NPSR1: variants seen among roughly 807,000 people sequenced by gnomAD.
NPSR1 encodes the protein neuropeptide S receptor 1.
A neutral mutation model predicts 46.9 loss-of-function variants in NPSR1; 48 were observed. That is an observed-to-expected ratio of 1.02 (90% CI 0.81 to 1.30). The LOEUF (loss-of-function observed/expected upper bound fraction) is 1.30. Among genes scored for constraint, NPSR1 ranks in the 50% most tolerant of loss-of-function variants. NPSR1 has a pLI of 0.00. For synonymous variants in NPSR1, 176 were observed against 168.1 expected (o/e 1.05, Z -0.36); for missense variants, 450 against 449.5 (o/e 1.00, Z -0.01).
At chr7:34,869,664 T>A (rs1198174562) in intron 8 of NPSR1, among the ~76,000 whole-genome samples, 77 of 151,792 alleles carry the variant, frequency 5.1e-4, no homozygotes, top group Non-Finnish European at 4.4e-5. Context: ...TTCATTCATT[T>A]AACAAATATT....
At chr7:34,818,613 C>T (rs1055189233) in intron 4 of NPSR1, among the ~76,000 whole-genome samples, 30 of 152,204 alleles carry the variant, frequency 2.0e-4, no homozygotes, top group Admixed American at 6.5e-4. Context: ...ATTGCCAAGA[C>T]AATCCTAAGC....
intron 2 of NPSR1, among the ~76,000 whole-genome samples, chr7:34,727,162 A>G (rs901698015): frequency 3.3e-5 from 5 of 152,112 alleles, no homozygotes; most frequent in African/African-American, 9.7e-5. Flanking sequence ...TTTTGCCATG[A>G]ACTTAAAACT....
At chr7:34,680,034 C>T (rs188341771) in intron 1 of NPSR1, among the ~76,000 whole-genome samples, 10 of 151,824 alleles carry the variant, frequency 6.6e-5, no homozygotes, top group Non-Finnish European at 2.9e-5. Context: ...CAAATATTTA[C>T]AAAGCTCACA....
At chr7:34,743,072 T>C (rs182690375) in intron 2 of NPSR1, among the ~76,000 whole-genome samples, 1 of 152,340 alleles carries the variant, frequency 6.6e-6, no homozygotes, top group East Asian at 1.9e-4. Context: ...AATGAGAGTT[T>C]GAAATATTTT....
At chr7:34,735,000 G>T (rs1273991556) in intron 2 of NPSR1, among the ~76,000 whole-genome samples, 2 of 152,206 alleles carry the variant, frequency 1.3e-5, no homozygotes, top group Admixed American at 1.3e-4. Context: ...CACCCTTAGA[G>T]TGAGTAACCA....
intron 2 of NPSR1, among the ~76,000 whole-genome samples, chr7:34,758,724 A>G (rs899937381): frequency 6.6e-5 from 10 of 152,188 alleles, no homozygotes; most frequent in African/African-American, 2.2e-4. Context: ...CTATCAGTCT[A>G]TCTATAATAC....
chr7:34,714,111 C>T (rs1347025366), intron 2 of NPSR1, among the ~76,000 whole-genome samples: 3 of 152,226 alleles, frequency 2.0e-5, no homozygotes, highest in Non-Finnish European at 2.9e-5. Context: ...GCCAGCTGTC[C>T]GCTGGAAGTC....
Position 34,836,118 on chromosome 7 carries a change from G to A in NPSR1, c.757+1658G>A, listed in dbSNP as rs76832321. ...GTCATTCAGCTTGGGGCTAATTCCAGCCCCCATGCAGATCCTAGTGCTTCC... is the reference window on the plus strand; with the variant it reads ...GTCATTCAGCTTGGGGCTAATTCCAACCCCCATGCAGATCCTAGTGCTTCC... On this transcript the variant is annotated intron_variant, in intron 6 of 8. Coordinates refer to ENST00000360581, the MANE Select transcript of NPSR1 (RefSeq NM_207172.2). Among the ~76,000 whole-genome samples, 422 of 152,194 alleles carry A rather than the reference G, an allele frequency of 2.8e-3. 3 individuals carry two copies. Among genetic ancestry groups the A allele is most frequent in the African/African-American group, 9.5e-3 (396 of 41,538 alleles).
At chr7:34,732,203 G>A (rs1784456362) in intron 2 of NPSR1, among the ~76,000 whole-genome samples, 1 of 152,006 alleles carries the variant, frequency 6.6e-6, no homozygotes. Flanking sequence ...CTGGTTATGA[G>A]TTAAAGACAG....
chr7:34,751,030 A>G (rs1785495042), intron 2 of NPSR1: 1 of 773,028 alleles, frequency 1.3e-6, no homozygotes, highest in African/African-American at 1.7e-5. Flanking sequence ...GCAATTTGAG[A>G]CTCAGGGTTG....
intron 8 of NPSR1, among the ~76,000 whole-genome samples, chr7:34,857,853 A>G (rs1380342012): frequency 1.3e-5 from 2 of 151,804 alleles, no homozygotes; most frequent in African/African-American, 2.4e-5. Context: ...CAGTAAGAAA[A>G]AGATTTTAAA....
intron 1 of NPSR1, among the ~76,000 whole-genome samples, chr7:34,672,157 G>A (rs963218): frequency 0.53 from 81,087 of 152,080 alleles, 23,224 homozygotes; most frequent in African/African-American, 0.75. Context: ...TTCTTGTTAT[G>A]TAGCTGACAT....
chr7:34,756,286 C>A (rs1291078611), intron 2 of NPSR1, among the ~76,000 whole-genome samples: 1 of 152,178 alleles, frequency 6.6e-6, no homozygotes, highest in Admixed American at 6.6e-5. Context: ...TCCCATCTGG[C>A]ACCTTCAAAA....
intron 3 of NPSR1, 118 bp downstream of exon 3, chr7:34,778,683 C>A: frequency 1.6e-6 from 1 of 607,076 alleles, no homozygotes; most frequent in South Asian, 2.2e-5. Context: ...CCCGCTTTCT[C>A]CTGGGTAGAA....
chr7:34,791,797 T>C (rs1254206860), intron 3 of NPSR1, among the ~76,000 whole-genome samples: 2 of 152,098 alleles, frequency 1.3e-5, no homozygotes, highest in Admixed American at 6.6e-5. Flanking sequence ...CTTACAAAAA[T>C]ATATTATGAA....
At chr7:34,765,064 T>C (rs899800905) in intron 2 of NPSR1, among the ~76,000 whole-genome samples, 2 of 151,916 alleles carry the variant, frequency 1.3e-5, no homozygotes, top group Non-Finnish European at 2.9e-5. Context: ...CAAAGAAAAA[T>C]CTGAAGCCCA....
chr7:34,781,543 T>C (rs1172571509), intron 3 of NPSR1, among the ~76,000 whole-genome samples: 2 of 152,260 alleles, frequency 1.3e-5, no homozygotes, highest in African/African-American at 2.4e-5. Flanking sequence ...AGGACCAACA[T>C]TGTCTCTAGT....
At chr7:34,791,016 A>ATATATGTTATATGTTATATGTTATATGT (rs1161260874) in intron 3 of NPSR1, among the ~76,000 whole-genome samples, 2 of 113,736 alleles carry the variant, frequency 1.8e-5, no homozygotes, top group Non-Finnish European at 3.2e-5. Flanking sequence ...ATGTTATATT[A>ATATATGTTATATGTTATATGTTATATGT]TATATGTTAT....
intron 8 of NPSR1, among the ~76,000 whole-genome samples, chr7:34,870,786 T>G (rs1287819368): frequency 1.3e-5 from 2 of 151,758 alleles, no homozygotes; most frequent in Non-Finnish European, 2.9e-5. Flanking sequence ...ATCCTTGGGC[T>G]AGGGCTTTAA....
Sources: gnomAD v4.1 joint callset for allele counts (sites outside exome capture counted in the v4.1 genomes callset) on GRCh38, gnomAD v4.1.1 for gene constraint, MANE v1.5 for transcripts, NCBI Gene and HGNC (gene_info 2026-07-23, HGNC 2026-07-21) for gene names.